Variants in RBFOX3 observed in about 807,000 individuals in gnomAD.
RBFOX3 encodes RNA binding fox-1 homolog 3, also known as RNA binding protein fox-1 homolog 3.
Under a neutral mutation model 48.7 loss-of-function variants are expected in RBFOX3, and 17 were observed. The observed-to-expected ratio is 0.35, with a 90% CI of 0.24 to 0.52. The LOEUF (loss-of-function observed/expected upper bound fraction) is 0.52. RBFOX3 is among the 20% of genes least tolerant of loss of function. The pLI is 0.94. For missense variants in RBFOX3, 382 were observed against 497.5 expected, an observed-to-expected ratio of 0.77 and a Z score of 2.21; for synonymous variants, 212 against 209.5, an observed-to-expected ratio of 1.01 and a Z score of -0.10.
chr17:79,136,985 A>G (rs2040363798), intron 4 of RBFOX3, among the ~76,000 whole-genome samples: 1 of 152,114 alleles, frequency 6.6e-6, no homozygotes, highest in Admixed American at 6.5e-5. Context: ...GATTCTGCAC[A>G]TTCAGCCACA....
In RBFOX3 at chr17:79,131,058, C is replaced by T. The variant is rs527402346; in HGVS notation, c.-33-15310G>A. On this transcript the variant is annotated intron_variant, in intron 4 of 14. Transcript: ENST00000693108. ...TGTGCCCCCATGTACTTGTGTGTAC[C>T]GTGAGCCATGTGCTGCGTGTCCCGT... 1.0e-3 allele frequency among the ~76,000 whole-genome samples: 159 copies of T among 151,830 alleles called. 1 individual carries two copies. Among genetic ancestry groups the T allele is most frequent in the Non-Finnish European group, 1.6e-3 (111 of 67,948 alleles).
intron 4 of RBFOX3, among the ~76,000 whole-genome samples, chr17:79,138,983 ACC>A (rs1331132131): frequency 4.8e-5 from 4 of 83,148 alleles, no homozygotes; most frequent in Admixed American, 1.3e-4. Context: ...ATGCGTTCAC[ACC>A]CCCTCACACA....
chr17:79,255,600 T>A (rs2064695752), intron 3 of RBFOX3, among the ~76,000 whole-genome samples: 1 of 152,024 alleles, frequency 6.6e-6, no homozygotes, highest in African/African-American at 2.4e-5. Flanking sequence ...ACACTCCATC[T>A]TCCCCTGGCG....
At chr17:79,278,115 G>T (rs1231405420) in intron 3 of RBFOX3, among the ~76,000 whole-genome samples, 2 of 152,224 alleles carry the variant, frequency 1.3e-5, no homozygotes, top group Non-Finnish European at 2.9e-5. Context: ...ATCTGGAATT[G>T]AGATGGCCCC....
chr17:79,138,320 C>T (rs1213814035), intron 4 of RBFOX3, among the ~76,000 whole-genome samples: 1 of 152,026 alleles, frequency 6.6e-6, no homozygotes, highest in African/African-American at 2.4e-5. Flanking sequence ...TGGACTCACC[C>T]GAGCACGCTC....
rs1423022509 is a variant in RBFOX3, at chr17:79,204,502, A to C, written c.-34+31264T>G. On this transcript the variant is annotated intron_variant, in intron 4 of 14. Transcript: ENST00000693108. The surrounding 1 kb of genome is among the most constrained non-coding windows in gnomAD (Gnocchi z 4.5). ...AAGCGCACACATACCGACAGCATTC[A>C]GTCAACGAGGTCGACGCGCTGGAAC... Among the ~76,000 whole-genome samples, 2 of 152,226 alleles carry C rather than the reference A, an allele frequency of 1.3e-5. No individual in the cohort carries two copies. The highest frequency in any genetic ancestry group is 2.9e-5 in the Non-Finnish European group (2 of 68,032).
chr17:79,308,821 A>G (rs2076431025), intron 2 of RBFOX3, among the ~76,000 whole-genome samples: 1 of 151,432 alleles, frequency 6.6e-6, no homozygotes, highest in Non-Finnish European at 1.5e-5. Flanking sequence ...CAACTGTAAG[A>G]AGTAATTGTT....
the RBFOX3 span, among the ~76,000 whole-genome samples, chr17:79,648,334 G>C: frequency 2.6e-5 from 4 of 152,146 alleles, no homozygotes; most frequent in Non-Finnish European, 4.4e-5. Flanking sequence ...GCACAGTCAG[G>C]ACCTAACTCA....
intron 4 of RBFOX3, among the ~76,000 whole-genome samples, chr17:79,144,139 T>C (rs927113775): frequency 1.5e-4 from 23 of 152,034 alleles, no homozygotes; most frequent in African/African-American, 5.1e-4. Flanking sequence ...GGTGGAGGGA[T>C]GCGCTGACCT....
chr17:79,369,106 G>T (rs544604608), intron 2 of RBFOX3, among the ~76,000 whole-genome samples: 1 of 151,816 alleles, frequency 6.6e-6, no homozygotes, highest in African/African-American at 2.4e-5. Flanking sequence ...GCTCTGAGCT[G>T]TCTCACTGCG....
At chr17:79,328,571 C>T (rs2079702921) in intron 2 of RBFOX3, among the ~76,000 whole-genome samples, 1 of 152,210 alleles carries the variant, frequency 6.6e-6, no homozygotes, top group African/African-American at 2.4e-5. Context: ...CAGCACAGGT[C>T]TGGGTGGTGA....
chr17:79,584,063 C>G (rs1383162277), intron 1 of RBFOX3, among the ~76,000 whole-genome samples: 1 of 152,158 alleles, frequency 6.6e-6, no homozygotes, highest in Non-Finnish European at 1.5e-5. Flanking sequence ...GCACGGATCA[C>G]AAAAGGCCTG....
chr17:79,490,523 C>T (rs1234127582), intron 1 of RBFOX3, among the ~76,000 whole-genome samples: 4 of 152,156 alleles, frequency 2.6e-5, no homozygotes, highest in African/African-American at 9.7e-5. Context: ...CCCCAAAATA[C>T]AGCAACAACA....
chr17:79,466,773 G>A (rs1433941728), intron 2 of RBFOX3, among the ~76,000 whole-genome samples: 1 of 152,150 alleles, frequency 6.6e-6, no homozygotes, highest in Admixed American at 6.5e-5. Context: ...TGGTTTGAGT[G>A]GTAAACTCAG....
At chr17:79,102,752 G>C (rs1459577967) in intron 8 of RBFOX3, among the ~76,000 whole-genome samples, 1 of 152,232 alleles carries the variant, frequency 6.6e-6, no homozygotes, top group African/African-American at 2.4e-5. Flanking sequence ...GGCCCAGACT[G>C]GGCCATGTGG....
At chr17:79,152,463 G>A (rs2044762467) in intron 4 of RBFOX3, among the ~76,000 whole-genome samples, 1 of 152,250 alleles carries the variant, frequency 6.6e-6, no homozygotes, top group Non-Finnish European at 1.5e-5. Flanking sequence ...TAGGGTGGGG[G>A]GGTATCCCTT....
At chr17:79,569,932 A>G (rs1272042926) in intron 1 of RBFOX3, among the ~76,000 whole-genome samples, 1 of 151,760 alleles carries the variant, frequency 6.6e-6, no homozygotes, top group Admixed American at 6.6e-5. Flanking sequence ...GCAAATGGAC[A>G]GATGGATAAT....
the RBFOX3 span, among the ~76,000 whole-genome samples, chr17:79,617,623 C>T: frequency 2.0e-5 from 3 of 152,224 alleles, no homozygotes; most frequent in African/African-American, 7.2e-5. Context: ...GTCAGCATCT[C>T]CACCTGTCTT....
At chr17:79,223,128 G>T (rs770518729) in intron 4 of RBFOX3, among the ~76,000 whole-genome samples, 3 of 152,130 alleles carry the variant, frequency 2.0e-5, no homozygotes, top group Non-Finnish European at 4.4e-5. Flanking sequence ...CACAGGCAGG[G>T]CCTCTGCCAA....
Sources: allele counts gnomAD v4.1 joint callset (sites outside exome capture counted in the v4.1 genomes callset), GRCh38; gene constraint gnomAD v4.1.1; non-coding constraint Gnocchi (gnomAD v3.1); transcripts MANE v1.5; gene names NCBI Gene and HGNC (gene_info 2026-07-23, HGNC 2026-07-21).